The following THSD7B variants were observed in gnomAD, a reference collection of about 807,000 sequenced individuals.
The protein encoded by THSD7B is thrombospondin type-1 domain-containing protein 7B.
In THSD7B, 138 loss-of-function variants were observed where a neutral mutation model predicts 213.6. That is an observed-to-expected ratio of 0.65 (90% CI 0.56 to 0.74). The LOEUF is 0.74. Ranked by LOEUF, THSD7B falls within the 30% of genes least tolerant of loss-of-function variation. The pLI, the probability that THSD7B is intolerant of heterozygous loss-of-function variation, is 0.00. For missense variants in THSD7B, 1,931 were observed against 1,991.5 expected (o/e 0.97, Z 0.58); for synonymous variants, 742 against 687.0 (o/e 1.08, Z -1.25).
At chr2:137,636,859 T>C (rs1371414872) in intron 20 of THSD7B, among the ~76,000 whole-genome samples, 1 of 152,222 alleles carries the variant, frequency 6.6e-6, no homozygotes, top group Non-Finnish European at 1.5e-5. Context: ...TAACTTTCTG[T>C]GTTTTTTCTA....
intron 17 of THSD7B, among the ~76,000 whole-genome samples, chr2:137,583,377 C>T (rs575800091): frequency 2.0e-5 from 3 of 152,198 alleles, no homozygotes; most frequent in East Asian, 1.9e-4. Flanking sequence ...CTTTTGTTGC[C>T]GTTGTTTTTG....
At chr2:137,510,411 GTATAT>G (rs943698370) in intron 15 of THSD7B, among the ~76,000 whole-genome samples, 11 of 151,386 alleles carry the variant, frequency 7.3e-5, no homozygotes, top group African/African-American at 2.7e-4. Flanking sequence ...GCATTGTCAT[GTATAT>G]TATATCTGTG....
chr2:137,331,992 C>T (rs567545468), intron 12 of THSD7B, among the ~76,000 whole-genome samples: 34 of 152,320 alleles, frequency 2.2e-4, no homozygotes, highest in African/African-American at 8.2e-4. Context: ...GCCTCTCCCT[C>T]CACACCTCCC....
chr2:136,947,403 G>A (rs575613), intron 2 of THSD7B, among the ~76,000 whole-genome samples: 61,375 of 150,652 alleles, frequency 0.41, 14,723 homozygotes, highest in Non-Finnish European at 0.55. Flanking sequence ...ATTTGTCAGA[G>A]TACTTTCATG....
intron 10 of THSD7B, among the ~76,000 whole-genome samples, chr2:137,264,747 T>C (rs1682541411): frequency 6.6e-6 from 1 of 152,018 alleles, no homozygotes; most frequent in Non-Finnish European, 1.5e-5. Context: ...TTCCCATTAA[T>C]TTTTAATTCC....
At chr2:137,088,246 A>G (rs1198619232) in intron 3 of THSD7B, among the ~76,000 whole-genome samples, 1 of 151,998 alleles carries the variant, frequency 6.6e-6, no homozygotes, top group African/African-American at 2.4e-5. Context: ...TCTCAAAAAA[A>G]TAAAAAAAAA....
chr2:137,585,292 C>T lies in THSD7B; in HGVS notation c.3423+12736C>T, dbSNP rs192266258. ...TTTTTGATCTTTTCAAAAAAACCAG[C>T]TCCTGGATTTATTGATTTTTTGAAA... On this transcript the variant is annotated intron_variant, in intron 17 of 27. Coordinates refer to ENST00000409968, the MANE Select transcript of THSD7B (RefSeq NM_001316349.2). 3.3e-5 allele frequency among the ~76,000 whole-genome samples: 5 copies of T among 152,194 alleles called. No individual in the cohort carries two copies. In the East Asian group the frequency reaches 9.7e-4, roughly 29 times the overall value.
intron 12 of THSD7B, among the ~76,000 whole-genome samples, chr2:137,396,595 A>G (rs1686196162): frequency 7.2e-6 from 1 of 138,172 alleles, no homozygotes; most frequent in African/African-American, 2.7e-5. Flanking sequence ...TATGTGGTCA[A>G]TTTTGGAATA....
intron 12 of THSD7B, among the ~76,000 whole-genome samples, chr2:137,347,455 G>A (rs1317148944): frequency 1.3e-5 from 2 of 151,600 alleles, no homozygotes; most frequent in Admixed American, 1.3e-4. Context: ...AGTAGAAAGT[G>A]TGGACTCCGG....
chr2:137,227,874 G>A (rs908191730), intron 7 of THSD7B, among the ~76,000 whole-genome samples: 2 of 152,056 alleles, frequency 1.3e-5, no homozygotes, highest in Non-Finnish European at 2.9e-5. Context: ...TGTGGTATAT[G>A]TCTTTGCAAA....
At chr2:137,278,039 G>T (rs899167321) in intron 12 of THSD7B, among the ~76,000 whole-genome samples, 1 of 152,038 alleles carries the variant, frequency 6.6e-6, no homozygotes, top group Admixed American at 6.6e-5. Context: ...GTGGAGATGC[G>T]GGGCTAGACT....
chr2:136,980,800 T>C (rs1685563347), intron 2 of THSD7B, among the ~76,000 whole-genome samples: 1 of 152,186 alleles, frequency 6.6e-6, no homozygotes, highest in South Asian at 2.1e-4. Flanking sequence ...TACTAATCTG[T>C]GGAAAATTCA....
At chr2:136,872,219 A>C (rs1176703774) in intron 1 of THSD7B, among the ~76,000 whole-genome samples, 1 of 152,274 alleles carries the variant, frequency 6.6e-6, no homozygotes, top group African/African-American at 2.4e-5. Flanking sequence ...CAGTGGCTGC[A>C]GCTCTGTGAT....
chr2:137,361,664 G>A (rs185956739), intron 12 of THSD7B, among the ~76,000 whole-genome samples: 24 of 152,256 alleles, frequency 1.6e-4, no homozygotes, highest in African/African-American at 3.1e-4. Flanking sequence ...GAAATGAAGC[G>A]CGAAGAGAAG....
At chr2:136,777,641 C>T (rs1681638083) in intron 1 of THSD7B, among the ~76,000 whole-genome samples, 1 of 152,042 alleles carries the variant, frequency 6.6e-6, no homozygotes. Flanking sequence ...TTAAAGCTGC[C>T]AAAATAACTA....
At chr2:137,608,631 T>C (rs540485415) in intron 17 of THSD7B, among the ~76,000 whole-genome samples, 10 of 152,340 alleles carry the variant, frequency 6.6e-5, no homozygotes, top group Non-Finnish European at 1.3e-4. Context: ...TAGGTATGTA[T>C]TGACATTTTT....
At chr2:137,365,833 C>T (rs1221124109) in intron 12 of THSD7B, among the ~76,000 whole-genome samples, 7 of 152,118 alleles carry the variant, frequency 4.6e-5, no homozygotes, top group Non-Finnish European at 7.3e-5. Flanking sequence ...GTCAGTGTGG[C>T]GATCCCTCAG....
intron 10 of THSD7B, among the ~76,000 whole-genome samples, chr2:137,262,576 T>C (rs1219255461): frequency 6.6e-6 from 1 of 152,216 alleles, no homozygotes; most frequent in Admixed American, 6.5e-5. Flanking sequence ...TACTGCACAA[T>C]TCCAATCATA....
chr2:137,129,684 T>C (rs1286994266), intron 5 of THSD7B, among the ~76,000 whole-genome samples: 1 of 152,172 alleles, frequency 6.6e-6, no homozygotes, highest in African/African-American at 2.4e-5. Flanking sequence ...CAAGCGATCC[T>C]CCTGCCTCAA....
Sources: allele counts gnomAD v4.1 joint callset (sites outside exome capture counted in the v4.1 genomes callset), GRCh38; gene constraint gnomAD v4.1.1; transcripts MANE v1.5; gene names NCBI Gene and HGNC (gene_info 2026-07-23, HGNC 2026-07-21).